The following AK8 variants were observed in gnomAD, a reference collection of about 807,000 sequenced individuals.
AK8 encodes ATP-AMP transphosphorylase 8.
Under a neutral mutation model 54.6 loss-of-function variants are expected in AK8, and 44 were observed. That is an observed-to-expected ratio of 0.81 (90% confidence interval 0.63 to 1.04). The LOEUF is 1.04. Ranked by LOEUF, AK8 falls within the 50% of genes least tolerant of loss-of-function variation. The probability of loss-of-function intolerance (pLI) is 0.00; values close to 1 mark genes in which losing one functional copy is unlikely to be tolerated. For synonymous variants in AK8, 239 were observed against 245.6 expected, an observed-to-expected ratio of 0.97 and a Z score of 0.25; for missense variants, 555 against 613.6, an observed-to-expected ratio of 0.90 and a Z score of 1.01.
intron 5 of AK8, among the ~76,000 whole-genome samples, chr9:132,847,571 G>A (rs1335868456): frequency 6.6e-6 from 1 of 152,184 alleles, no homozygotes; most frequent in Non-Finnish European, 1.5e-5. Flanking sequence ...CCTGCTGAGG[G>A]GGTCCAGTCC....
At chr9:132,839,014 G>A (rs1306556653) in intron 5 of AK8, among the ~76,000 whole-genome samples, 8 of 151,360 alleles carry the variant, frequency 5.3e-5, no homozygotes, top group Admixed American at 1.3e-4. Context: ...GTGTGATCTC[G>A]GCTCATTGCA....
chr9:132,751,814 C>A (rs1837940482), intron 11 of AK8, among the ~76,000 whole-genome samples: 1 of 151,712 alleles, frequency 6.6e-6, no homozygotes, highest in South Asian at 2.1e-4. Context: ...GCAATTAAGA[C>A]CCTGTTTTCA....
chr9:132,816,852 G>A (rs1301919586), intron 9 of AK8, among the ~76,000 whole-genome samples: 1 of 152,150 alleles, frequency 6.6e-6, no homozygotes, highest in Non-Finnish European at 1.5e-5. Flanking sequence ...TCACTGGGTG[G>A]AAGCAACAAA....
intron 5 of AK8, among the ~76,000 whole-genome samples, chr9:132,832,066 A>G (rs867076327): frequency 1.5e-3 from 214 of 138,620 alleles, no homozygotes; most frequent in African/African-American, 6.0e-3. Context: ...TGTCTCTGAA[A>G]AAAAAAAAAA....
At chr9:132,792,583 G>C in intron 11 of AK8, 51 bp downstream of exon 11, 1 of 1,527,968 alleles carries the variant, frequency 6.5e-7, no homozygotes, top group Non-Finnish European at 8.8e-7. Flanking sequence ...CCCTGGAGAG[G>C]GGGTGCCCAG....
intron 4 of AK8, among the ~76,000 whole-genome samples, chr9:132,858,316 C>T (rs1033014651): frequency 3.3e-5 from 5 of 152,266 alleles, no homozygotes; most frequent in African/African-American, 4.8e-5. Context: ...TGTTCTGAGG[C>T]AGCCAAGTGT....
At chr9:132,877,980 C>A in intron 1 of AK8, 192 bp downstream of exon 1, 9 of 1,425,532 alleles carry the variant, frequency 6.3e-6, no homozygotes, top group Non-Finnish European at 8.6e-6. Flanking sequence ...CAAACCCGGG[C>A]AGGACCAGGA....
chr9:132,792,094 C>T (rs1207059867), intron 11 of AK8, among the ~76,000 whole-genome samples: 2 of 152,222 alleles, frequency 1.3e-5, no homozygotes, highest in Non-Finnish European at 2.9e-5. Context: ...CAAGCTCAGA[C>T]TAAATAGCCT....
chr9:132,793,957 T>C (rs1840046455), intron 10 of AK8, among the ~76,000 whole-genome samples: 1 of 152,124 alleles, frequency 6.6e-6, no homozygotes. Context: ...AAGCACACAT[T>C]TGAAACCTTC....
At chr9:132,819,971 C>T (rs1218720500) in intron 9 of AK8, among the ~76,000 whole-genome samples, 1 of 151,460 alleles carries the variant, frequency 6.6e-6, no homozygotes. Context: ...CCAGACTGGG[C>T]AACATAGAGA....
chr9:132,803,938 T>G lies in AK8; in HGVS notation c.979+10700A>C, dbSNP rs1486351632. Among the ~76,000 whole-genome samples the G allele has an allele frequency of 6.6e-6, 1 of 151,838 alleles. No homozygotes were observed. The highest frequency in any genetic ancestry group is 2.4e-5 in the African/African-American group (1 of 41,310). On this transcript the variant is annotated intron_variant, in intron 10 of 12. Coordinates refer to ENST00000298545, the MANE Select transcript of AK8 (RefSeq NM_152572.3). This position sits in a 1 kb window ranked among gnomAD's most constrained non-coding sequence, Gnocchi z 4.4. ...CTGGCCAATATGGTGAAACCCCATC[T>G]CTACTAAAAATACAAAAATTAGCCG...
chr9:132,839,526 A>C (rs560692024), intron 5 of AK8, among the ~76,000 whole-genome samples: 1 of 152,262 alleles, frequency 6.6e-6, no homozygotes, highest in South Asian at 2.1e-4. Flanking sequence ...ATAAGAGGCG[A>C]TGTCTAGAAT....
intron 5 of AK8, among the ~76,000 whole-genome samples, chr9:132,852,934 A>G (rs1034379849): frequency 3.3e-5 from 5 of 152,052 alleles, no homozygotes; most frequent in African/African-American, 1.2e-4. Flanking sequence ...AGTTACGTGA[A>G]GAAATAAAGG....
intron 11 of AK8, among the ~76,000 whole-genome samples, chr9:132,743,270 C>T (rs1405718028): frequency 6.6e-6 from 1 of 152,254 alleles, no homozygotes; most frequent in Non-Finnish European, 1.5e-5. Flanking sequence ...CCCACAGGCA[C>T]GGGTCTGAGA....
At chr9:132,871,710 G>C (rs896442334) in intron 2 of AK8, among the ~76,000 whole-genome samples, 1 of 152,200 alleles carries the variant, frequency 6.6e-6, no homozygotes, top group Non-Finnish European at 1.5e-5. Flanking sequence ...AAAGGAGCAA[G>C]GGCTCCTTGG....
intron 9 of AK8, among the ~76,000 whole-genome samples, chr9:132,821,098 A>G (rs1841577635): frequency 6.6e-6 from 1 of 151,198 alleles, no homozygotes; most frequent in African/African-American, 2.4e-5. Context: ...TCATCTCTTC[A>G]TGGCTGGTGT....
chr9:132,768,949 C>T (rs1484949843), intron 11 of AK8: 2 of 152,190 alleles, frequency 1.3e-5, no homozygotes, highest in African/African-American at 4.8e-5. Flanking sequence ...CCCAGCCACA[C>T]CACTGCAAGG....
At chr9:132,806,001 G>C (rs1195480558) in intron 10 of AK8, among the ~76,000 whole-genome samples, 2 of 151,876 alleles carry the variant, frequency 1.3e-5, no homozygotes, top group African/African-American at 2.4e-5. Flanking sequence ...CTGGGTTGGG[G>C]GTACCAAAGG....
intron 11 of AK8, among the ~76,000 whole-genome samples, chr9:132,783,409 A>G (rs1839563149): frequency 6.6e-6 from 1 of 152,234 alleles, no homozygotes; most frequent in South Asian, 2.1e-4. Flanking sequence ...TAAGCCACCA[A>G]GTCAGTGGTA....
Sources: gnomAD v4.1 joint callset for allele counts (sites outside exome capture counted in the v4.1 genomes callset) on GRCh38, gnomAD v4.1.1 for gene constraint, Gnocchi (gnomAD v3.1) non-coding constraint, MANE v1.5 for transcripts, NCBI Gene and HGNC (gene_info 2026-07-23, HGNC 2026-07-21) for gene names.